Variants in BAIAP2L2 observed in about 807,000 individuals in gnomAD.
BAIAP2L2 encodes BAR/IMD domain-containing adapter protein 2-like 2.
Under a neutral mutation model 60.4 loss-of-function variants are expected in BAIAP2L2, and 65 were observed. That is an observed-to-expected ratio of 1.08 (90% confidence interval 0.88 to 1.32). The LOEUF (loss-of-function observed/expected upper bound fraction) is 1.32, where lower values mean the gene tolerates loss of function less well. BAIAP2L2 is among the 40% of genes most tolerant of loss of function. The pLI, the probability that BAIAP2L2 is intolerant of heterozygous loss-of-function variation, is 0.00. For synonymous variants in BAIAP2L2, 344 were observed against 301.7 expected (o/e 1.14, Z -1.45); for missense variants, 836 against 741.2 (o/e 1.13, Z -1.48).
chr22:38,087,343 C>G (rs1256487585), intron 10 of BAIAP2L2, 79 bp from the exon 11 acceptor site: 1 of 1,520,294 alleles, frequency 6.6e-7, no homozygotes. Flanking sequence ...ATCCTCCCCT[C>G]AGGGTCACTG....
In BAIAP2L2 at chr22:38,089,175, G is replaced by A. The variant is rs776442169; in HGVS notation, c.822C>T (p.Ser274=). ...GCCTCGCGTCGGGCTCGGTGCCGTA[G>A]GAGCCGGAGCCGTGCCGGCTGCGGG... ...SSPRSRHGSG[S]YGTEPDARPA... The change falls in exon 9 of 14, where the codon TCC becomes TCT. Residue 274 remains serine (S), a synonymous_variant. Coordinates refer to ENST00000381669, the MANE Select transcript of BAIAP2L2 (RefSeq NM_025045.6). 17 of 1,314,420 alleles carry A rather than the reference G, an allele frequency of 1.3e-5. No homozygotes were observed. Among genetic ancestry groups the A allele is most frequent in the South Asian group, 6.6e-5 (3 of 45,476 alleles). 81.4% of individuals were successfully genotyped at this position (1,314,420 alleles called of 1,614,324 possible).
chr22:38,095,311 C>T (rs142514454), intron 7 of BAIAP2L2, among the ~76,000 whole-genome samples: 6 of 152,216 alleles, frequency 3.9e-5, no homozygotes, highest in African/African-American at 7.2e-5. Context: ...TAAAAGCTTT[C>T]CAAAGGCCCC....
intron 8 of BAIAP2L2, 129 bp from the exon 9 acceptor site, chr22:38,089,360 C>T (rs1441344217): frequency 5.4e-6 from 3 of 555,034 alleles, no homozygotes; most frequent in African/African-American, 2.1e-5. Flanking sequence ...CGGGCCACCA[C>T]GGGGGCGCGG....
rs2086188714 is a variant in BAIAP2L2, at chr22:38,088,939, T to C, written c.927A>G (p.Gln309=). The change falls in exon 10 of 14, where the codon CAA becomes CAG. Residue 309 remains glutamine (Q), a synonymous_variant. Transcript: ENST00000381669. ...SASSLYSGSA[Q]SSRSNSFGER... ...CGCCAAAGGAGTTGGAGCGCGAGCT[T>C]TGGGCGCTGCCGCTGTAGAGCGAGG... 1 of 1,536,034 alleles carries C rather than the reference T, an allele frequency of 6.5e-7. No homozygotes were observed. Among genetic ancestry groups the C allele is most frequent in the African/African-American group, 1.4e-5 (1 of 72,796 alleles).
intron 7 of BAIAP2L2, among the ~76,000 whole-genome samples, chr22:38,092,016 AGAAACTCATACATCACT>A (rs2086316337): frequency 6.6e-6 from 1 of 152,214 alleles, no homozygotes; most frequent in Non-Finnish European, 1.5e-5. Flanking sequence ...GCAGAAGCAC[AGAAACTCATACATCACT>A]GATGGAAGTG....
intron 5 of BAIAP2L2, 59 bp from the exon 6 acceptor site, chr22:38,098,238 C>A: frequency 6.4e-7 from 1 of 1,568,250 alleles, no homozygotes; most frequent in African/African-American, 1.4e-5. Flanking sequence ...CTCAAGACAC[C>A]CCTCCCAGAG....
Position 38,085,244 on chromosome 22 carries a change from C to T in BAIAP2L2, c.*56G>A, listed in dbSNP as rs2086020591. ...CTGTTGCTGCTGTCGCTGCCATTGC[C>T]AGCTCTGAACAGCCCCTGGGCAGGT... On this transcript the variant is annotated 3_prime_UTR_variant, in exon 14 of 14. Coordinates refer to ENST00000381669, the MANE Select transcript of BAIAP2L2 (RefSeq NM_025045.6). 1.3e-6 allele frequency: 2 copies of T among 1,559,966 alleles called. No individual in the cohort carries two copies. The highest frequency in any genetic ancestry group is 2.7e-5 in the African/African-American group (2 of 73,594).
rs189100656 is a variant in BAIAP2L2 at position 38,097,683 on chromosome 22, C to G, written c.465+380G>C. On this transcript the variant is annotated intron_variant, in intron 6 of 13. Coordinates refer to ENST00000381669, the MANE Select transcript of BAIAP2L2 (RefSeq NM_025045.6). ...GAAGGGGAATGGCCCTAGCCGGGGG[C>G]GGGATACCTCTGCCAGGCAGGAGAG... 2.9e-3 allele frequency among the ~76,000 whole-genome samples: 443 copies of G among 151,764 alleles called. 2 individuals carry two copies. The highest frequency in any genetic ancestry group is 0.01 in the African/African-American group (414 of 41,342).
intron 7 of BAIAP2L2, 144 bp downstream of exon 7, chr22:38,096,888 G>A: frequency 1.1e-6 from 1 of 949,456 alleles, no homozygotes. Flanking sequence ...AGAAATGGAT[G>A]GAGATAGCAA....
In BAIAP2L2 at chr22:38,085,772, G is replaced by C. The variant is rs372664203; in HGVS notation, c.1468-40C>G. ...GGGAAGGGCTGGTTTGGTGGGGAGA[G>C]GGGCAAGCAATCCCTTGCTCCTCCC... is the stretch of plus-strand genomic sequence containing the variant. On this transcript the variant is annotated intron_variant, in intron 12 of 13. Transcript: ENST00000381669. 3.9e-6 allele frequency: 6 copies of C among 1,539,112 alleles called. No homozygotes were observed. The Admixed American group carries it at 5.6e-5, about 14-fold the overall frequency.
intron 4 of BAIAP2L2, 114 bp from the exon 5 acceptor site, chr22:38,098,596 G>C: frequency 1.4e-6 from 1 of 718,676 alleles, no homozygotes; most frequent in Non-Finnish European, 2.3e-6. Flanking sequence ...AATATACCAG[G>C]CACCTGCCCA....
intron 13 of BAIAP2L2, 43 bp downstream of exon 13, chr22:38,085,643 C>A (rs767229602): frequency 6.2e-7 from 1 of 1,600,644 alleles, no homozygotes; most frequent in Non-Finnish European, 8.6e-7. Context: ...GCCGCCGCAC[C>A]TGCCACCCTC....
chr22:38,088,636 C>T, intron 10 of BAIAP2L2, 112 bp downstream of exon 10: 1 of 1,119,976 alleles, frequency 8.9e-7, no homozygotes, highest in South Asian at 1.7e-5. Context: ...GGAGCATTGT[C>T]CGAGGCCCCC....
chr22:38,110,860 CCCT>C (rs1569235432), upstream of BAIAP2L2, among the ~76,000 whole-genome samples: 2 of 152,112 alleles, frequency 1.3e-5, no homozygotes. Context: ...CTGGGTCACC[CCCT>C]CCTCAAGGAC....
At chr22:38,095,758 G>T (rs6000996) in intron 7 of BAIAP2L2, among the ~76,000 whole-genome samples, 31,747 of 152,000 alleles carry the variant, frequency 0.21, 3,558 homozygotes, top group African/African-American at 0.28. Context: ...GGTGAAGTTG[G>T]CATTTTTGGA....
At chr22:38,086,096 C>T in intron 12 of BAIAP2L2, 146 bp downstream of exon 12, 1 of 948,186 alleles carries the variant, frequency 1.1e-6, no homozygotes, top group Non-Finnish European at 1.6e-6. Flanking sequence ...CAGCCCCACA[C>T]CACCCCTCCC....
chr22:38,094,156 G>T (rs1235097330), intron 7 of BAIAP2L2, among the ~76,000 whole-genome samples: 2 of 151,948 alleles, frequency 1.3e-5, no homozygotes, highest in African/African-American at 4.8e-5. Context: ...CTGGGGGAGT[G>T]GGAGGATTGG....
chr22:38,086,273 A>G lies in BAIAP2L2; in HGVS notation c.1436T>C (p.Met479Thr), dbSNP rs1423509910. Residue 479 changes from methionine (M) to threonine (T), a missense_variant, in exon 12 of 14, where the codon ATG becomes ACG. By Grantham distance (81) the Met-to-Thr change is moderately conservative. Coordinates refer to ENST00000381669, the MANE Select transcript of BAIAP2L2 (RefSeq NM_025045.6). Reference sequence around the variant, plus strand: ...GTCAGTGGCAACTGCTGTGCTGCCCATGCTGCTGCGGCGGCTGCTGGGCAA... The same window carrying G: ...GTCAGTGGCAACTGCTGTGCTGCCCGTGCTGCTGCGGCGGCTGCTGGGCAA... ...PPLPSSRRSS[M>T]GSTAVATDVK... 3 of 1,608,786 alleles carry G rather than the reference A, an allele frequency of 1.9e-6. No homozygotes were observed. The highest frequency in any genetic ancestry group is 1.7e-5 in the Admixed American group (1 of 59,678).
chr22:38,107,664 C>T (rs1446890723), intron 4 of BAIAP2L2, among the ~76,000 whole-genome samples, 188 bp downstream of exon 4: 5 of 152,236 alleles, frequency 3.3e-5, no homozygotes, highest in Non-Finnish European at 5.9e-5. Context: ...GAAATGCCAC[C>T]AGCCTCCTAG....
Sources: allele counts gnomAD v4.1 joint callset (sites outside exome capture counted in the v4.1 genomes callset), GRCh38; gene constraint gnomAD v4.1.1; transcripts MANE v1.5; gene names NCBI Gene and HGNC (gene_info 2026-07-23, HGNC 2026-07-21).